ABCA12: variants seen among roughly 807,000 people sequenced by gnomAD.
ABCA12 encodes ATP binding cassette subfamily A member 12.
In ABCA12, 156 loss-of-function variants were observed where a neutral mutation model predicts 293.5. That is an observed-to-expected ratio of 0.53 (90% CI 0.47 to 0.61). The LOEUF (loss-of-function observed/expected upper bound fraction) is 0.61. ABCA12 is among the 20% of genes least tolerant of loss of function. The probability of loss-of-function intolerance (pLI) is 0.00; values close to 1 mark genes in which losing one functional copy is unlikely to be tolerated. For synonymous variants in ABCA12, 1,063 were observed against 1,108.0 expected, an observed-to-expected ratio of 0.96 and a Z score of 0.81; for missense variants, 2,797 against 3,090.2, an observed-to-expected ratio of 0.91 and a Z score of 2.25.
chr2:214,956,688 C>T lies in ABCA12; in HGVS notation c.6208G>A (p.Val2070Ile), dbSNP rs145980660. 2,953 of 1,613,460 alleles carry T rather than the reference C, an allele frequency of 1.8e-3. 10 individuals are homozygous for T. Among genetic ancestry groups the T allele is most frequent in the Admixed American group, 2.1e-3 (127 of 60,006 alleles). Reference protein sequence around the residue: ...AFYSENNLGAVSLLLLLFGYA... With the variant: ...AFYSENNLGAISLLLLLFGYA... The stretch of plus-strand genomic sequence containing the variant: ...CCAAACAGGAGAAGTAGGAGAGATA[C>T]AGCGCCTAGGTTGTTTTCACTGTAG... Residue 2070 changes from valine to isoleucine, a missense_variant, in exon 42 of 53, where the codon GTA (valine) becomes ATA (isoleucine). Val to Ile is a conservative substitution (Grantham distance 29). Coordinates refer to ENST00000272895, the MANE Select transcript of ABCA12 (RefSeq NM_173076.3).
chr2:214,936,484 G>A (rs185005060), intron 51 of ABCA12, among the ~76,000 whole-genome samples: 3 of 152,222 alleles, frequency 2.0e-5, no homozygotes, highest in East Asian at 1.9e-4. Context: ...ATCATTCCAC[G>A]TCTGATTTCC....
chr2:215,099,761 T>A (rs973586569), intron 2 of ABCA12, among the ~76,000 whole-genome samples: 1 of 151,904 alleles, frequency 6.6e-6, no homozygotes, highest in African/African-American at 2.4e-5. Context: ...TTGTTGCCAC[T>A]AAGTTTTGAG....
intron 3 of ABCA12, among the ~76,000 whole-genome samples, chr2:215,063,012 GT>G (rs1701566192): frequency 6.6e-6 from 1 of 151,680 alleles, no homozygotes; most frequent in Non-Finnish European, 1.5e-5. Context: ...CTATTAATCT[GT>G]TTTTTAAATA....
intron 4 of ABCA12, 26 bp downstream of exon 4, chr2:215,054,547 G>A: frequency 6.4e-7 from 1 of 1,570,526 alleles, no homozygotes; most frequent in Non-Finnish European, 8.8e-7. Flanking sequence ...GGCTTGTTCT[G>A]AACTCTACAG....
At chr2:214,963,187 AAG>A (rs1411334958) in intron 39 of ABCA12, 1 of 152,100 alleles carries the variant, frequency 6.6e-6, no homozygotes, top group Non-Finnish European at 1.5e-5. Flanking sequence ...CAAATAAGAA[AAG>A]AGAGAAGAGT....
chr2:215,011,930 A>C (rs1354836526), intron 16 of ABCA12, 41 bp downstream of exon 16: 7 of 1,601,784 alleles, frequency 4.4e-6, no homozygotes, highest in African/African-American at 1.3e-5. Context: ...ATATGACAGA[A>C]GGCATTTTTC....
chr2:215,038,395 C>T (rs373320929), intron 7 of ABCA12, among the ~76,000 whole-genome samples: 106 of 152,270 alleles, frequency 7.0e-4, no homozygotes, highest in African/African-American at 2.4e-3. Context: ...TCTATCCACT[C>T]TATATGTTGC....
intron 6 of ABCA12, among the ~76,000 whole-genome samples, chr2:215,049,411 T>A (rs1368716609): frequency 6.6e-6 from 1 of 152,172 alleles, no homozygotes; most frequent in Non-Finnish European, 1.5e-5. Flanking sequence ...TTAACCATAA[T>A]GTAATATTTT....
intron 9 of ABCA12, among the ~76,000 whole-genome samples, 177 bp from the exon 10 acceptor site, chr2:215,027,115 C>G (rs1037294088): frequency 6.6e-6 from 1 of 152,090 alleles, no homozygotes; most frequent in Non-Finnish European, 1.5e-5. Context: ...GAGGCCGAGA[C>G]GAGCGGATCA....
chr2:215,089,279 A>G (rs1482918482), intron 2 of ABCA12, among the ~76,000 whole-genome samples: 2 of 151,716 alleles, frequency 1.3e-5, no homozygotes, highest in Non-Finnish European at 2.9e-5. Flanking sequence ...CATGAGATTC[A>G]TATTCCTTTT....
intron 48 of ABCA12, 117 bp downstream of exon 48, chr2:214,947,305 C>T: frequency 7.0e-7 from 1 of 1,434,168 alleles, no homozygotes; most frequent in Non-Finnish European, 9.8e-7. Context: ...CAATAGCTAG[C>T]ACATAGTGAG....
chr2:214,957,714 CCATCTGAACTTGG>C (rs1233160333), intron 41 of ABCA12, among the ~76,000 whole-genome samples: 1 of 152,186 alleles, frequency 6.6e-6, no homozygotes, highest in Non-Finnish European at 1.5e-5. Context: ...TCCAGAACAA[CCATCTGAACTTGG>C]GACCATTTTA....
At chr2:214,960,756 T>C (rs1172862248) in intron 39 of ABCA12, among the ~76,000 whole-genome samples, 3 of 152,054 alleles carry the variant, frequency 2.0e-5, no homozygotes, top group Non-Finnish European at 4.4e-5. Flanking sequence ...AAAGTAAGAA[T>C]AAACACTGGA....
At chr2:215,137,726 G>T (rs1703260347) in intron 1 of ABCA12, among the ~76,000 whole-genome samples, 1 of 151,958 alleles carries the variant, frequency 6.6e-6, no homozygotes, top group African/African-American at 2.4e-5. Flanking sequence ...ACTTTCTATG[G>T]CTTTCAGTTT....
intron 8 of ABCA12, chr2:215,032,223 G>T (rs1700894186): frequency 1.7e-6 from 1 of 587,352 alleles, no homozygotes; most frequent in Non-Finnish European, 2.4e-6. Context: ...CTATAATGAA[G>T]ATTGACTACC....
At chr2:215,025,813 A>T in intron 10 of ABCA12, 34 bp from the exon 11 acceptor site, 1 of 1,472,244 alleles carries the variant, frequency 6.8e-7, no homozygotes, top group South Asian at 1.1e-5. Context: ...ACTTTATGTG[A>T]ATTGCAAGGT....
chr2:214,983,976 C>A, intron 28 of ABCA12, 111 bp from the exon 29 acceptor site: 1 of 817,648 alleles, frequency 1.2e-6, no homozygotes, highest in South Asian at 1.6e-5. Context: ...TCTTCTCAGT[C>A]AAGGGCAAAC....
intron 22 of ABCA12, among the ~76,000 whole-genome samples, chr2:214,998,998 T>C (rs549676696): frequency 6.6e-6 from 1 of 152,272 alleles, no homozygotes; most frequent in East Asian, 1.9e-4. Flanking sequence ...ATGTAAATAT[T>C]AATGAAGCAT....
rs1341337716 is a variant in ABCA12, at chr2:214,948,582, A to G, written c.7104+14T>C. On this transcript the variant is annotated intron_variant, in intron 47 of 52. Coordinates refer to ENST00000272895, the MANE Select transcript of ABCA12 (RefSeq NM_173076.3). Reference sequence around the variant, plus strand: ...ATGGTTTCAAATTAAGTAATTTTTCACACTTGTACTCACTTCTTTAATATC... The same window carrying G: ...ATGGTTTCAAATTAAGTAATTTTTCGCACTTGTACTCACTTCTTTAATATC... The G allele has an allele frequency of 1.9e-6, 3 of 1,613,478 alleles. No individual in the cohort carries two copies. The highest frequency in any genetic ancestry group is 2.7e-5 in the African/African-American group (2 of 74,886).
Sources: allele counts gnomAD v4.1 joint callset (sites outside exome capture counted in the v4.1 genomes callset), GRCh38; gene constraint gnomAD v4.1.1; transcripts MANE v1.5; gene names NCBI Gene and HGNC (gene_info 2026-07-23, HGNC 2026-07-21).